Variants in MGAT4C observed in about 807,000 individuals in gnomAD.
MGAT4C encodes alpha-1,3-mannosyl-glycoprotein 4-beta-N-acetylglucosaminyltransferase C.
Under a neutral mutation model 40.1 loss-of-function variants are expected in MGAT4C, and 19 were observed. That is an observed-to-expected ratio of 0.47 (90% CI 0.33 to 0.70). The LOEUF is 0.70. Among genes scored for constraint, MGAT4C ranks in the 30% least tolerant of loss-of-function variants. The pLI is 0.02. For synonymous variants in MGAT4C, 181 were observed against 187.1 expected (o/e 0.97, Z 0.27); for missense variants, 491 against 563.2 (o/e 0.87, Z 1.30).
intron 2 of MGAT4C, among the ~76,000 whole-genome samples, chr12:86,527,508 T>A (rs1238135478): frequency 1.3e-5 from 2 of 152,048 alleles, no homozygotes; most frequent in Admixed American, 6.6e-5. Context: ...AACTTTAGAA[T>A]TTTTTTTCTA....
intron 1 of MGAT4C, among the ~76,000 whole-genome samples, chr12:86,744,336 AG>A (rs983262306): frequency 2.0e-5 from 3 of 151,606 alleles, no homozygotes; most frequent in Non-Finnish European, 4.4e-5. Context: ...AAGACAGTAA[AG>A]GTTTGTTTTC....
chr12:86,205,027 T>C (rs976266497), intron 1 of MGAT4C, among the ~76,000 whole-genome samples: 1 of 151,988 alleles, frequency 6.6e-6, no homozygotes, highest in African/African-American at 2.4e-5. Context: ...AAAATGTTGA[T>C]CCTTGTACAT....
intron 1 of MGAT4C, among the ~76,000 whole-genome samples, chr12:86,229,113 A>G (rs1951212940): frequency 6.6e-6 from 1 of 151,836 alleles, no homozygotes; most frequent in Admixed American, 6.6e-5. Context: ...GGAAGTTCAA[A>G]TAAATTAGAA....
intron 1 of MGAT4C, among the ~76,000 whole-genome samples, chr12:86,206,456 T>G (rs1244389424): frequency 6.6e-6 from 1 of 152,146 alleles, no homozygotes; most frequent in Non-Finnish European, 1.5e-5. Context: ...AAGGTGGTAT[T>G]AGGTTTTGGG....
At chr12:86,438,012 C>A (rs1175616734) in intron 2 of MGAT4C, among the ~76,000 whole-genome samples, 1 of 151,870 alleles carries the variant, frequency 6.6e-6, no homozygotes, top group Non-Finnish European at 1.5e-5. Context: ...TGGTCTTTCA[C>A]TTGAAGTCAA....
At chr12:86,266,651 T>C (rs978421594) in intron 4 of MGAT4C, among the ~76,000 whole-genome samples, 1 of 152,176 alleles carries the variant, frequency 6.6e-6, no homozygotes, top group Non-Finnish European at 1.5e-5. Context: ...AATGGCCTCC[T>C]AGAATGAGTT....
intron 2 of MGAT4C, among the ~76,000 whole-genome samples, chr12:86,704,780 G>A (rs189525629): frequency 6.6e-6 from 1 of 152,214 alleles, no homozygotes. Flanking sequence ...TCTGTATGAA[G>A]GAGTGTAACA....
chr12:86,552,468 T>C (rs974073613), intron 2 of MGAT4C, among the ~76,000 whole-genome samples: 7 of 152,090 alleles, frequency 4.6e-5, no homozygotes, highest in African/African-American at 1.4e-4. Flanking sequence ...CCATTGTAGA[T>C]TGACTACAGT....
intron 1 of MGAT4C, among the ~76,000 whole-genome samples, chr12:86,781,636 GA>G (rs574182737): frequency 6.8e-5 from 10 of 146,446 alleles, no homozygotes; most frequent in African/African-American, 1.7e-4. Flanking sequence ...ACGGTGGCCA[GA>G]AAAAAAAAAT....
At chr12:86,619,194 C>T (rs764802202) in intron 2 of MGAT4C, among the ~76,000 whole-genome samples, 39 of 152,060 alleles carry the variant, frequency 2.6e-4, no homozygotes, top group Admixed American at 1.7e-3. Context: ...ACCAATCTTC[C>T]GTGGATATAA....
intron 1 of MGAT4C, among the ~76,000 whole-genome samples, chr12:86,070,695 T>G (rs1222483583): frequency 1.3e-5 from 2 of 152,064 alleles, no homozygotes; most frequent in Non-Finnish European, 2.9e-5. Flanking sequence ...ATTCAAATTG[T>G]ATTTGAATGA....
intron 1 of MGAT4C, among the ~76,000 whole-genome samples, chr12:86,111,225 ACTAAC>A (rs1565997765): frequency 2.0e-5 from 3 of 151,908 alleles, no homozygotes; most frequent in East Asian, 1.9e-4. Flanking sequence ...GCATCAGTAA[ACTAAC>A]CTAAAAGTTA....
chr12:86,395,057 A>C (rs1956234005), intron 3 of MGAT4C, among the ~76,000 whole-genome samples: 1 of 152,014 alleles, frequency 6.6e-6, no homozygotes, highest in African/African-American at 2.4e-5. Flanking sequence ...GCTTTAGGAA[A>C]AAAAGCATAA....
chr12:85,988,262 C>T (rs946214184), intron 3 of MGAT4C, among the ~76,000 whole-genome samples: 6 of 152,048 alleles, frequency 3.9e-5, no homozygotes, highest in African/African-American at 2.4e-5. Flanking sequence ...GATTCTGGTA[C>T]AATTTCAGCA....
chr12:86,784,147 T>C (rs1375045737), intron 1 of MGAT4C, among the ~76,000 whole-genome samples: 1 of 152,102 alleles, frequency 6.6e-6, no homozygotes, highest in Non-Finnish European at 1.5e-5. Context: ...AATTAAATAA[T>C]GCTATCGTTC....
At chr12:86,206,999 T>C (rs2135948174) in intron 1 of MGAT4C, among the ~76,000 whole-genome samples, 1 of 152,262 alleles carries the variant, frequency 6.6e-6, no homozygotes, top group Admixed American at 6.5e-5. Flanking sequence ...ATTTTGGGTA[T>C]TTAGTAGGAG....
chr12:86,536,395 T>C (rs1395786638), intron 2 of MGAT4C, among the ~76,000 whole-genome samples: 1 of 152,082 alleles, frequency 6.6e-6, no homozygotes, highest in Non-Finnish European at 1.5e-5. Flanking sequence ...TGCTAATAGG[T>C]AGGTTCTTAA....
chr12:86,035,445 TGTTGAA>T (rs1891138548), intron 2 of MGAT4C, among the ~76,000 whole-genome samples: 3 of 150,186 alleles, frequency 2.0e-5, no homozygotes, highest in Non-Finnish European at 4.5e-5. Flanking sequence ...CTTGTAAATT[TGTTGAA>T]GTTATTTCTA....
intron 2 of MGAT4C, among the ~76,000 whole-genome samples, chr12:86,686,805 TTA>T (rs1950080204): frequency 6.6e-6 from 1 of 152,192 alleles, no homozygotes; most frequent in South Asian, 2.1e-4. Flanking sequence ...TCTCTTTTTG[TTA>T]TGTCTCTGCC....
Sources: gnomAD v4.1 joint callset for allele counts (sites outside exome capture counted in the v4.1 genomes callset) on GRCh38, gnomAD v4.1.1 for gene constraint, MANE v1.5 for transcripts, NCBI Gene and HGNC (gene_info 2026-07-23, HGNC 2026-07-21) for gene names.